KLC1: variants seen among roughly 807,000 people sequenced by gnomAD.
KLC1 encodes kinesin light chain 1.
In KLC1, 30 loss-of-function variants were observed where a neutral mutation model predicts 84.2. That is an observed-to-expected ratio of 0.36 (90% confidence interval 0.27 to 0.48). The LOEUF (loss-of-function observed/expected upper bound fraction) is 0.48. Ranked by LOEUF, KLC1 falls within the 20% of genes least tolerant of loss-of-function variation. KLC1 has a pLI of 0.99. For synonymous variants in KLC1, 289 were observed against 293.3 expected (o/e 0.99, Z 0.15); for missense variants, 499 against 805.4 (o/e 0.62, Z 4.60).
chr14:103,638,656 A>ATTTTTTTTT (rs57470429), intron 1 of KLC1, among the ~76,000 whole-genome samples: 2 of 100,124 alleles, frequency 2.0e-5, no homozygotes, highest in African/African-American at 7.5e-5. Flanking sequence ...CATTTCATTA[A>ATTTTTTTTT]TTTTTTTTTT....
chr14:103,693,096 G>A lies in KLC1; in HGVS notation c.1848+671G>A, dbSNP rs1400359916. ...GCCCACCCGGCAGCTCGAGCTGTTG[G>A]GACTTGGCAGTCCCTGCCCCTGTGC... On this transcript the variant is annotated intron_variant, in intron 15 of 16. Transcript: ENST00000334553. The surrounding 1 kb of genome is among the most constrained non-coding windows in gnomAD (Gnocchi z 5.1). Among the ~76,000 whole-genome samples the A allele has an allele frequency of 6.6e-6, 1 of 152,240 alleles. No homozygotes were observed. The highest frequency in any genetic ancestry group is 1.5e-5 in the Non-Finnish European group (1 of 68,036).
intron 15 of KLC1, chr14:103,696,829 G>A: frequency 5.1e-6 from 5 of 985,470 alleles, no homozygotes; most frequent in Non-Finnish European, 6.0e-6. Flanking sequence ...CCATGGCCCT[G>A]GCCTGGAACT....
chr14:103,683,736 T>G (rs2081556952), intron 13 of KLC1: 1 of 152,234 alleles, frequency 6.6e-6, no homozygotes, highest in Admixed American at 6.5e-5. Context: ...GCTGGGGCCT[T>G]CTGAAGCAGC....
rs1472085592 is a variant in KLC1 at position 103,694,445 on chromosome 14, A to C, written c.1848+2020A>C. On this transcript the variant is annotated intron_variant, in intron 15 of 16. Coordinates refer to ENST00000334553, the MANE Select transcript of KLC1 (RefSeq NM_001394837.1). The surrounding 1 kb of genome is among the most constrained non-coding windows in gnomAD (Gnocchi z 4.5). ...CAGGAGATCGAGACCATCCTGGCTA[A>C]CATGGCGTTTCACTTTTTAAAAGCT... The C allele has an allele frequency of 2.0e-6, 2 of 985,296 alleles. No individual in the cohort carries two copies. The highest frequency in any genetic ancestry group is 2.4e-6 in the Non-Finnish European group (2 of 829,914). 61.0% of individuals were successfully genotyped at this position (985,296 alleles called of 1,614,324 possible). A position where few individuals can be genotyped will look rare whatever the true frequency, so the allele number is the denominator to read the frequency against.
At chr14:103,664,544 T>G (rs1013573914) in intron 5 of KLC1, among the ~76,000 whole-genome samples, 4 of 151,866 alleles carry the variant, frequency 2.6e-5, no homozygotes, top group South Asian at 2.1e-4. Flanking sequence ...GCAAAAAAAT[T>G]TTTTTTTTGA....
chr14:103,666,612 T>C (rs1026219180), intron 5 of KLC1, among the ~76,000 whole-genome samples: 8 of 151,728 alleles, frequency 5.3e-5, no homozygotes, highest in Middle Eastern at 6.8e-3. Flanking sequence ...TTTTTTTTTT[T>C]CTGAAACGAA....
chr14:103,637,572 T>C (rs2077143290), intron 1 of KLC1, among the ~76,000 whole-genome samples: 1 of 152,148 alleles, frequency 6.6e-6, no homozygotes, highest in Non-Finnish European at 1.5e-5. Flanking sequence ...TTTTATCTTT[T>C]ATTTTTTGTT....
chr14:103,649,734 C>T (rs1182985220), intron 1 of KLC1, among the ~76,000 whole-genome samples: 1 of 149,450 alleles, frequency 6.7e-6, no homozygotes, highest in African/African-American at 2.5e-5. Context: ...CTCGCTCTGT[C>T]GCCCAGGCTG....
At chr14:103,700,122 C>T (rs1294449085) in intron 15 of KLC1, 1 of 206,878 alleles carries the variant, frequency 4.8e-6, no homozygotes, top group Non-Finnish European at 1.0e-5. Context: ...CCTGGCCTGC[C>T]TCTGCCAAGG....
chr14:103,630,481 T>C (rs1160341384), intron 1 of KLC1, among the ~76,000 whole-genome samples: 1 of 152,244 alleles, frequency 6.6e-6, no homozygotes, highest in Non-Finnish European at 1.5e-5. Context: ...TCAGGTGTTC[T>C]GTAAAAGGGC....
At chr14:103,652,467 A>G (rs150054393) in intron 1 of KLC1, among the ~76,000 whole-genome samples, 1 of 151,722 alleles carries the variant, frequency 6.6e-6, no homozygotes, top group Non-Finnish European at 1.5e-5. Context: ...AACAGTTAAC[A>G]TACTGTCAGG....
chr14:103,664,238 G>C (rs566802852), intron 5 of KLC1, among the ~76,000 whole-genome samples: 2 of 152,292 alleles, frequency 1.3e-5, no homozygotes, highest in African/African-American at 4.8e-5. Context: ...CGCAACCTCT[G>C]CTTCCTGAGT....
intron 1 of KLC1, among the ~76,000 whole-genome samples, chr14:103,648,629 A>G (rs2078144041): frequency 6.6e-6 from 1 of 152,050 alleles, no homozygotes; most frequent in Non-Finnish European, 1.5e-5. Context: ...GAAAATAAAA[A>G]GAAAATAAAA....
intron 2 of KLC1, among the ~76,000 whole-genome samples, chr14:103,655,537 C>T (rs993850289): frequency 2.6e-5 from 4 of 151,750 alleles, no homozygotes; most frequent in Admixed American, 6.6e-5. Flanking sequence ...CCCAACCTCA[C>T]GTGATCCACC....
At chr14:103,643,837 A>G (rs1240057183) in intron 1 of KLC1, among the ~76,000 whole-genome samples, 2 of 152,076 alleles carry the variant, frequency 1.3e-5, no homozygotes, top group East Asian at 3.9e-4. Context: ...CTGAGTCAGG[A>G]GAATCACTTG....
rs1415737063 is a variant in KLC1, at chr14:103,670,276, G to A, written c.980G>A (p.Arg327Gln). ...EPLCKRALEIREKVLGKDHPD... is the reference protein window; with the variant it reads ...EPLCKRALEIQEKVLGKDHPD... ...TTGTGTAAAAGAGCTCTGGAAATCCGAGAAAAGGTACAAAAGAAGGGGGCA... is the reference window on the plus strand; with the variant it reads ...TTGTGTAAAAGAGCTCTGGAAATCCAAGAAAAGGTACAAAAGAAGGGGGCA... Residue 327 changes from arginine to glutamine, a missense_variant, in exon 7 of 17, where the codon CGA becomes CAA. Arg to Gln is a conservative substitution (Grantham distance 43). Around this residue, in one of 3 missense-constraint regions of KLC1, gnomAD observed 153 missense variants for 332.4 expected, o/e 0.46. Coordinates refer to ENST00000334553, the MANE Select transcript of KLC1 (RefSeq NM_001394837.1). The A allele has an allele frequency of 6.2e-7, 1 of 1,609,014 alleles. No individual in the cohort carries two copies. Among genetic ancestry groups the A allele is most frequent in the Non-Finnish European group, 8.5e-7 (1 of 1,176,604 alleles).
chr14:103,669,547 G>C lies in KLC1; in HGVS notation c.834G>C (p.Leu278=), dbSNP rs757300541. ...AATACAAAGATGCAGCTAACCTACT[G>C]AATGATGCCTTGGCTATTCGTGAGA... ...QNKYKDAANL[L]NDALAIREKT... Residue 278 remains leucine (L), a synonymous_variant, in exon 6 of 17, where the codon CTG becomes CTC. Coordinates refer to ENST00000334553, the MANE Select transcript of KLC1 (RefSeq NM_001394837.1). 1 of 1,613,082 alleles carries C rather than the reference G, an allele frequency of 6.2e-7. No individual in the cohort carries two copies. The highest frequency in any genetic ancestry group is 8.5e-7 in the Non-Finnish European group (1 of 1,179,076).
chr14:103,635,443 G>C (rs2076976234), intron 1 of KLC1, among the ~76,000 whole-genome samples: 1 of 152,104 alleles, frequency 6.6e-6, no homozygotes, highest in Non-Finnish European at 1.5e-5. Context: ...GGGCAATATA[G>C]TGAGACCTTG....
intron 9 of KLC1, among the ~76,000 whole-genome samples, chr14:103,674,308 C>T (rs866317046): frequency 4.6e-5 from 7 of 152,222 alleles, no homozygotes; most frequent in Middle Eastern, 3.4e-3. Flanking sequence ...ATAAACATTA[C>T]TTTTAAGGTG....
Sources: allele counts gnomAD v4.1 joint callset (sites outside exome capture counted in the v4.1 genomes callset), GRCh38; gene constraint gnomAD v4.1.1; regional missense constraint gnomAD v4.1.1; non-coding constraint Gnocchi (gnomAD v3.1); transcripts MANE v1.5; gene names NCBI Gene and HGNC (gene_info 2026-07-23, HGNC 2026-07-21).